RERE: variants seen among roughly 807,000 people sequenced by gnomAD.
The protein encoded by RERE is arginine-glutamic acid dipeptide repeats protein.
RERE carries 40 observed loss-of-function variants against 146.1 expected under a neutral mutation model. That is an observed-to-expected ratio of 0.27 (90% CI 0.21 to 0.36). The LOEUF (loss-of-function observed/expected upper bound fraction) is 0.36, where lower values mean the gene tolerates loss of function less well. Ranked by LOEUF, RERE falls within the 10% of genes least tolerant of loss-of-function variation. The pLI is 1.00. For synonymous variants in RERE, 1,003 were observed against 866.0 expected, an observed-to-expected ratio of 1.16 and a Z score of -2.78; for missense variants, 1,933 against 2,138.7, an observed-to-expected ratio of 0.90 and a Z score of 1.90.
chr1:8,459,143 G>A (rs941506722), intron 11 of RERE, among the ~76,000 whole-genome samples: 2 of 152,114 alleles, frequency 1.3e-5, no homozygotes, highest in African/African-American at 4.8e-5. Context: ...TGGTTCAAAG[G>A]CCGATGGGAA....
At chr1:8,389,398 T>C (rs1005485384) in intron 12 of RERE, among the ~76,000 whole-genome samples, 5 of 152,202 alleles carry the variant, frequency 3.3e-5, no homozygotes, top group Admixed American at 2.6e-4. Flanking sequence ...TTGTTCTTTA[T>C]TCACGGCCAT....
intron 1 of RERE, among the ~76,000 whole-genome samples, chr1:8,801,601 T>C (rs1413509272): frequency 6.6e-6 from 1 of 152,208 alleles, no homozygotes; most frequent in African/African-American, 2.4e-5. Context: ...AAAGATATCA[T>C]TGTACACATT....
At chr1:8,448,006 G>A (rs144015560) in intron 11 of RERE, among the ~76,000 whole-genome samples, 10 of 152,148 alleles carry the variant, frequency 6.6e-5, no homozygotes, top group African/African-American at 2.4e-4. Flanking sequence ...ATGTCATGTC[G>A]TGCTCCTCTG....
intron 4 of RERE, among the ~76,000 whole-genome samples, chr1:8,592,348 C>G (rs1646505224): frequency 6.6e-6 from 1 of 152,056 alleles, no homozygotes; most frequent in African/African-American, 2.4e-5. Flanking sequence ...TGGCTCACTG[C>G]AGTCTCGACC....
intron 13 of RERE, among the ~76,000 whole-genome samples, chr1:8,365,277 G>A (rs1485435095): frequency 6.6e-6 from 1 of 152,328 alleles, no homozygotes; most frequent in African/African-American, 2.4e-5. Context: ...AGCGTCCCGG[G>A]CCAGGACAGA....
chr1:8,546,568 C>T (rs1645865002), intron 6 of RERE, among the ~76,000 whole-genome samples: 1 of 151,830 alleles, frequency 6.6e-6, no homozygotes, highest in Admixed American at 6.6e-5. Flanking sequence ...TGTCTGTAGG[C>T]CAGGTGTGGT....
chr1:8,629,142 G>A (rs1329229176), intron 2 of RERE, among the ~76,000 whole-genome samples: 1 of 152,156 alleles, frequency 6.6e-6, no homozygotes, highest in Non-Finnish European at 1.5e-5. Flanking sequence ...AAAAATGAGT[G>A]AGGCTATTAC....
At chr1:8,743,295 T>G (rs1640349605) in intron 1 of RERE, among the ~76,000 whole-genome samples, 1 of 152,112 alleles carries the variant, frequency 6.6e-6, no homozygotes, top group Non-Finnish European at 1.5e-5. Flanking sequence ...CTTCTTTTTT[T>G]TGAGACAAAG....
At chr1:8,448,463 G>C (rs1644350153) in intron 11 of RERE, among the ~76,000 whole-genome samples, 1 of 151,962 alleles carries the variant, frequency 6.6e-6, no homozygotes, top group Non-Finnish European at 1.5e-5. Flanking sequence ...GGAATAAAAA[G>C]GGGGAAAAAA....
chr1:8,405,397 T>G (rs533463483), intron 12 of RERE, among the ~76,000 whole-genome samples: 5 of 152,318 alleles, frequency 3.3e-5, no homozygotes, highest in African/African-American at 1.2e-4. Context: ...AGTTGGTTAA[T>G]AACATGATAT....
At chr1:8,602,259 C>G (rs1422035655) in intron 4 of RERE, among the ~76,000 whole-genome samples, 3 of 151,744 alleles carry the variant, frequency 2.0e-5, no homozygotes, top group South Asian at 4.2e-4. Context: ...GGCGTGGTGG[C>G]GGGCGCCTGT....
chr1:8,512,323 G>A (rs1409103724), intron 7 of RERE, among the ~76,000 whole-genome samples: 1 of 151,974 alleles, frequency 6.6e-6, no homozygotes, highest in African/African-American at 2.4e-5. Context: ...GTGAGCCACC[G>A]CGCCCGGCCA....
chr1:8,680,002 C>G (rs1270439306), intron 1 of RERE, among the ~76,000 whole-genome samples: 1 of 152,132 alleles, frequency 6.6e-6, no homozygotes, highest in Non-Finnish European at 1.5e-5. Context: ...TTCCATAATG[C>G]AACACTATGG....
chr1:8,361,612 C>G, intron 17 of RERE, 122 bp from the exon 18 acceptor site: 2 of 1,422,172 alleles, frequency 1.4e-6, no homozygotes, highest in South Asian at 2.4e-5. Flanking sequence ...GGCTCCGGGA[C>G]CACAGGTCGT....
chr1:8,574,992 A>T (rs1406810697), intron 4 of RERE, among the ~76,000 whole-genome samples: 1 of 152,242 alleles, frequency 6.6e-6, no homozygotes, highest in African/African-American at 2.4e-5. Context: ...GCAAATGCTA[A>T]AATTTACATA....
chr1:8,570,296 C>A (rs1159310377), intron 4 of RERE, among the ~76,000 whole-genome samples: 1 of 152,030 alleles, frequency 6.6e-6, no homozygotes, highest in Non-Finnish European at 1.5e-5. Flanking sequence ...TGCGCCACTG[C>A]ACTCCAGCCT....
At chr1:8,521,182 A>AAAAT (rs1645493734) in intron 7 of RERE, among the ~76,000 whole-genome samples, 1 of 135,798 alleles carries the variant, frequency 7.4e-6, no homozygotes. Flanking sequence ...TTTTCAAAAA[A>AAAAT]AAAAAAAAAA....
chr1:8,498,715 A>AT (rs1412811698), intron 8 of RERE, among the ~76,000 whole-genome samples: 26 of 130,492 alleles, frequency 2.0e-4, no homozygotes, highest in Non-Finnish European at 3.5e-4. Context: ...AAAAATAAAA[A>AT]AAAAAAAATA....
At chr1:8,368,429 G>A (rs550105757) in intron 12 of RERE, among the ~76,000 whole-genome samples, 73 of 151,190 alleles carry the variant, frequency 4.8e-4, no homozygotes, top group Middle Eastern at 3.4e-3. Context: ...AGCCGAGATC[G>A]TGCCACTGCA....
Sources: allele counts gnomAD v4.1 joint callset (sites outside exome capture counted in the v4.1 genomes callset), GRCh38; gene constraint gnomAD v4.1.1; transcripts MANE v1.5; gene names NCBI Gene and HGNC (gene_info 2026-07-23, HGNC 2026-07-21).